NRG3: variants seen among roughly 807,000 people sequenced by gnomAD.
NRG3 encodes neuregulin 3, also known as pro-neuregulin-3, membrane-bound isoform.
A neutral mutation model predicts 66.9 loss-of-function variants in NRG3; 31 were observed. The observed-to-expected ratio is 0.46, with a 90% CI of 0.35 to 0.63. NRG3 has a LOEUF of 0.63. NRG3 is among the 20% of genes least tolerant of loss of function. The pLI is 0.00. For missense variants in NRG3, 910 were observed against 878.9 expected (o/e 1.04, Z -0.45); for synonymous variants, 393 against 359.4 (o/e 1.09, Z -1.06).
At chr10:82,937,411 C>T (rs117253966) in intron 4 of NRG3, among the ~76,000 whole-genome samples, 1 of 152,248 alleles carries the variant, frequency 6.6e-6, no homozygotes, top group Non-Finnish European at 1.5e-5. Flanking sequence ...GTAAATAGAG[C>T]GAGACCCTGG....
At chr10:82,409,160 G>A (rs2087852269) in intron 2 of NRG3, among the ~76,000 whole-genome samples, 1 of 152,096 alleles carries the variant, frequency 6.6e-6, no homozygotes, top group Non-Finnish European at 1.5e-5. Flanking sequence ...AAGTTATCAA[G>A]ACTATCTACC....
intron 1 of NRG3, among the ~76,000 whole-genome samples, chr10:82,099,282 T>A (rs1448107237): frequency 6.6e-6 from 1 of 152,188 alleles, no homozygotes; most frequent in African/African-American, 2.4e-5. Flanking sequence ...AACATAAAAT[T>A]TGGTTAGGAT....
At chr10:82,253,742 T>C (rs922962527) in intron 1 of NRG3, among the ~76,000 whole-genome samples, 1 of 152,216 alleles carries the variant, frequency 6.6e-6, no homozygotes, top group Admixed American at 6.5e-5. Context: ...AACTTTAGTG[T>C]CATTCCATAG....
intron 1 of NRG3, among the ~76,000 whole-genome samples, chr10:82,190,890 C>T (rs907718106): frequency 6.6e-6 from 1 of 152,078 alleles, no homozygotes; most frequent in African/African-American, 2.4e-5. Flanking sequence ...ACATGTTGGC[C>T]CAGGCATTAC....
At chr10:82,068,098 A>G (rs1044658999) in intron 1 of NRG3, among the ~76,000 whole-genome samples, 2 of 152,170 alleles carry the variant, frequency 1.3e-5, no homozygotes, top group East Asian at 3.9e-4. Flanking sequence ...GTGTAGAACA[A>G]TAGAATTATA....
chr10:82,189,316 G>A (rs1013161716), intron 1 of NRG3, among the ~76,000 whole-genome samples: 2 of 152,032 alleles, frequency 1.3e-5, no homozygotes, highest in African/African-American at 4.8e-5. Flanking sequence ...TCAAAATTTT[G>A]TCTCTTTTCT....
chr10:82,518,805 C>A (rs946533889), intron 2 of NRG3, among the ~76,000 whole-genome samples: 3 of 151,954 alleles, frequency 2.0e-5, no homozygotes, highest in Non-Finnish European at 4.4e-5. Flanking sequence ...AGCATGCTCA[C>A]GTTCAAAAAA....
chr10:82,422,928 A>T (rs1393103209), intron 2 of NRG3, among the ~76,000 whole-genome samples: 1 of 152,002 alleles, frequency 6.6e-6, no homozygotes, highest in Non-Finnish European at 1.5e-5. Context: ...ATGAGTTTTT[A>T]GTAATTTGAA....
chr10:82,923,753 C>T (rs956979674), intron 4 of NRG3, among the ~76,000 whole-genome samples: 1 of 151,750 alleles, frequency 6.6e-6, no homozygotes, highest in African/African-American at 2.4e-5. Context: ...GACAAAAAAT[C>T]GTGGAACATT....
chr10:82,159,036 T>G (rs1343548473), intron 1 of NRG3, among the ~76,000 whole-genome samples: 6 of 151,978 alleles, frequency 3.9e-5, no homozygotes, highest in East Asian at 1.9e-4. Flanking sequence ...TTTTTTTTAG[T>G]AGGCTTCAAA....
In NRG3 at chr10:82,622,569, C is replaced by T. The variant is rs1244654256; in HGVS notation, c.954-116008C>T. ...ACTTTAAGATGGTGTGAAAGCAATA[C>T]ACATTCAGTGGAAACCATACTTAGA... On this transcript the variant is annotated intron_variant, in intron 2 of 8. Transcript: ENST00000372141. Among the ~76,000 whole-genome samples, 3 of 152,152 alleles carry T rather than the reference C, an allele frequency of 2.0e-5. No homozygotes were observed. The East Asian group carries it at 5.8e-4, about 29-fold the overall frequency.
intron 2 of NRG3, among the ~76,000 whole-genome samples, chr10:82,545,176 G>T (rs2043807715): frequency 6.6e-6 from 1 of 152,078 alleles, no homozygotes; most frequent in Non-Finnish European, 1.5e-5. Flanking sequence ...AATTATGGGA[G>T]CTGGTTTCCC....
chr10:81,982,710 C>T (rs971957552), intron 1 of NRG3, among the ~76,000 whole-genome samples: 7 of 152,134 alleles, frequency 4.6e-5, no homozygotes, highest in African/African-American at 1.7e-4. Flanking sequence ...TACAAAATTT[C>T]TTCTTCTTAC....
At chr10:81,972,005 A>G (rs989080844) in intron 1 of NRG3, among the ~76,000 whole-genome samples, 2 of 152,176 alleles carry the variant, frequency 1.3e-5, no homozygotes, top group East Asian at 1.9e-4. Context: ...ACAATACCTG[A>G]CACTCACACT....
At chr10:82,466,913 CA>C (rs77350035) in intron 2 of NRG3, among the ~76,000 whole-genome samples, 3,829 of 69,282 alleles carry the variant, frequency 0.055, 107 homozygotes, top group African/African-American at 0.16. Context: ...GTACCCTGAC[CA>C]AAAAAAAAAA....
chr10:82,050,919 G>T (rs936662046), intron 1 of NRG3, among the ~76,000 whole-genome samples: 1 of 149,004 alleles, frequency 6.7e-6, no homozygotes, highest in Admixed American at 6.8e-5. Flanking sequence ...TTTCTATCCT[G>T]CTGTGTCAAA....
chr10:82,560,393 G>A (rs1477136481), intron 2 of NRG3, among the ~76,000 whole-genome samples: 1 of 151,008 alleles, frequency 6.6e-6, no homozygotes, highest in Non-Finnish European at 1.5e-5. Flanking sequence ...TTCCTCATAT[G>A]TTTTATAACT....
intron 1 of NRG3, among the ~76,000 whole-genome samples, chr10:82,302,479 T>C (rs1554879265): frequency 6.6e-6 from 1 of 152,166 alleles, no homozygotes; most frequent in Non-Finnish European, 1.5e-5. Flanking sequence ...ATATACCATG[T>C]ATATACTTTG....
At chr10:82,565,807 GTAATTCTGT>G (rs1354325151) in intron 2 of NRG3, among the ~76,000 whole-genome samples, 2 of 152,038 alleles carry the variant, frequency 1.3e-5, no homozygotes, top group Non-Finnish European at 2.9e-5. Context: ...TGGAAGGTAT[GTAATTCTGT>G]TGTGATATTA....
Sources: allele counts gnomAD v4.1 joint callset (sites outside exome capture counted in the v4.1 genomes callset), GRCh38; gene constraint gnomAD v4.1.1; transcripts MANE v1.5; gene names NCBI Gene and HGNC (gene_info 2026-07-23, HGNC 2026-07-21).